DNAJC1: variants seen among roughly 807,000 people sequenced by gnomAD.
DNAJC1 encodes DnaJ heat shock protein family (Hsp40) member C1.
In DNAJC1, 58 loss-of-function variants were observed where a neutral mutation model predicts 76.6. That is an observed-to-expected ratio of 0.76 (90% CI 0.61 to 0.94). The LOEUF is 0.94. Ranked by LOEUF, DNAJC1 falls within the 40% of genes least tolerant of loss-of-function variation. The pLI is 0.00. For synonymous variants in DNAJC1, 258 were observed against 267.9 expected (o/e 0.96, Z 0.36); for missense variants, 689 against 677.3 (o/e 1.02, Z -0.19).
At chr10:21,791,147 G>A (rs1256839380) in intron 9 of DNAJC1, among the ~76,000 whole-genome samples, 1 of 152,160 alleles carries the variant, frequency 6.6e-6, no homozygotes, top group African/African-American at 2.4e-5. Context: ...GTCATTATAT[G>A]ATGATAAAAG....
intron 7 of DNAJC1, among the ~76,000 whole-genome samples, chr10:21,886,904 G>C (rs1242438415): frequency 6.6e-6 from 1 of 152,130 alleles, no homozygotes; most frequent in African/African-American, 2.4e-5. Context: ...AATTAGGCAA[G>C]AGAAAGAAAT....
chr10:21,922,282 C>G (rs1837054456), intron 3 of DNAJC1, among the ~76,000 whole-genome samples: 1 of 151,944 alleles, frequency 6.6e-6, no homozygotes, highest in African/African-American at 2.4e-5. Flanking sequence ...GGATTTATTA[C>G]AGGCAACTTC....
chr10:21,861,468 G>A (rs1441554376), intron 8 of DNAJC1, among the ~76,000 whole-genome samples: 1 of 152,132 alleles, frequency 6.6e-6, no homozygotes, highest in Non-Finnish European at 1.5e-5. Context: ...TGTCAGAGGT[G>A]TTTGAACCAC....
intron 1 of DNAJC1, 94 bp from the exon 2 acceptor site, chr10:21,929,235 C>A: frequency 3.8e-6 from 3 of 783,896 alleles, no homozygotes; most frequent in Non-Finnish European, 6.2e-6. Context: ...GACAGCCAAC[C>A]AAGTGCAGGA....
chr10:21,958,898 T>C (rs888119955), intron 1 of DNAJC1, among the ~76,000 whole-genome samples: 1 of 152,164 alleles, frequency 6.6e-6, no homozygotes, highest in African/African-American at 2.4e-5. Flanking sequence ...GGTAAGAACA[T>C]TTTGAATATA....
intron 6 of DNAJC1, among the ~76,000 whole-genome samples, chr10:21,913,417 A>ATATGTGGC (rs977811268): frequency 2.6e-5 from 4 of 152,120 alleles, no homozygotes; most frequent in Non-Finnish European, 5.9e-5. Flanking sequence ...ATCACTTGGG[A>ATATGTGGC]TATGTGGCAC....
At chr10:21,940,977 C>T (rs1019053980) in intron 1 of DNAJC1, among the ~76,000 whole-genome samples, 24 of 151,440 alleles carry the variant, frequency 1.6e-4, no homozygotes, top group Non-Finnish European at 2.8e-4. Flanking sequence ...ACTGGCCAGG[C>T]GCGGTAGCTC....
chr10:21,806,628 T>C (rs1231102644), intron 8 of DNAJC1, among the ~76,000 whole-genome samples: 1 of 152,172 alleles, frequency 6.6e-6, no homozygotes, highest in Non-Finnish European at 1.5e-5. Context: ...AATGACACTT[T>C]ATGATCATTC....
At chr10:21,759,049 A>C in intron 11 of DNAJC1, 121 bp downstream of exon 11, 2 of 1,004,414 alleles carry the variant, frequency 2.0e-6, no homozygotes, top group Non-Finnish European at 3.0e-6. Flanking sequence ...AATGGGAAAG[A>C]AGAAATCACG....
chr10:21,759,228 G>C lies in DNAJC1; in HGVS notation c.1538C>G (p.Pro513Arg), dbSNP rs1812185894. 6.2e-7 allele frequency: 1 copy of C among 1,614,080 alleles called. No homozygotes were observed. ...GTCCCAGCGGTCAGAGGATCCCCTT[G>C]GGTACTGCTGCAACGCCAGTTCCAG... ...KLLELALQQY[P>R]RGSSDRWDKI... The change falls in exon 11 of 12, where the codon CCA becomes CGA. Residue 513 changes from proline (P) to arginine (R), a missense_variant. Physicochemically the swap from Pro to Arg is moderately radical, Grantham distance 103 (BLOSUM62 -2). Coordinates refer to ENST00000376980, the MANE Select transcript of DNAJC1 (RefSeq NM_022365.4).
chr10:21,866,134 CAAA>C (rs1306930222), intron 8 of DNAJC1, among the ~76,000 whole-genome samples: 11 of 34,038 alleles, frequency 3.2e-4, no homozygotes, highest in African/African-American at 9.6e-4. Context: ...GACTTCAACT[CAAA>C]AAAAAAAAAA....
intron 6 of DNAJC1, among the ~76,000 whole-genome samples, chr10:21,916,381 C>A (rs552165225): frequency 1.3e-5 from 2 of 151,896 alleles, no homozygotes; most frequent in African/African-American, 4.8e-5. Context: ...CCCAGCTACT[C>A]GGGAGGCTGA....
chr10:21,920,886 C>T lies in DNAJC1; in HGVS notation c.449G>A (p.Ser150Asn), dbSNP rs1837032019. ...CAAGAGTAATGCCAGCTCAGCATTG[C>T]TCATTTTTCTCACCCGCCTGTAGTA... ...VFYYRRVRKM[S>N]NAELALLLFI... Residue 150 changes from serine (S) to asparagine (N), a missense_variant, in exon 4 of 12, where the codon AGC becomes AAC. Coordinates refer to ENST00000376980, the MANE Select transcript of DNAJC1 (RefSeq NM_022365.4). The T allele has an allele frequency of 6.2e-7, 1 of 1,613,030 alleles. No homozygotes were observed. Among genetic ancestry groups the T allele is most frequent in the South Asian group, 1.1e-5 (1 of 90,966 alleles).
chr10:21,829,492 A>C (rs1268308067), intron 8 of DNAJC1, among the ~76,000 whole-genome samples: 3 of 152,200 alleles, frequency 2.0e-5, no homozygotes, highest in Non-Finnish European at 4.4e-5. Context: ...CTGGGATTAC[A>C]GGCATGAGCC....
intron 10 of DNAJC1, among the ~76,000 whole-genome samples, chr10:21,760,257 C>A (rs954511355): frequency 2.6e-5 from 4 of 152,058 alleles, no homozygotes; most frequent in African/African-American, 9.7e-5. Flanking sequence ...TGCTTCAGCC[C>A]GGGCAACAGA....
chr10:21,930,221 C>A (rs1159866270), intron 1 of DNAJC1, among the ~76,000 whole-genome samples: 5 of 152,228 alleles, frequency 3.3e-5, no homozygotes, highest in African/African-American at 1.2e-4. Context: ...AGTGATCCAA[C>A]AGCCTCGGCC....
rs115151967 is a variant in DNAJC1 at position 21,954,933 on chromosome 10, C to A, written c.223-25792G>T. ...GTGCCAGGGTAGTCCTCACTCTTAA[C>A]CATTTTCCTTTAAGTCAGGTTTTCT... On this transcript the variant is annotated intron_variant, in intron 1 of 11. Transcript: ENST00000376980. 9.1e-3 allele frequency among the ~76,000 whole-genome samples: 1,382 copies of A among 152,234 alleles called. 25 individuals carry two copies. Among genetic ancestry groups the A allele is most frequent in the African/African-American group, 0.031 (1,288 of 41,528 alleles).
In DNAJC1 at chr10:21,924,311, ATAAC is replaced by A. The variant is rs1304018107; in HGVS notation, c.372-3352_372-3349del. On this transcript the variant is annotated intron_variant, in intron 3 of 11. Coordinates refer to ENST00000376980, the MANE Select transcript of DNAJC1 (RefSeq NM_022365.4). ...TAAAAGTTTAACATATTAAGGCTGAATAACTATACGTTTAACAGCATTTGTAAAT... is the reference window on the plus strand; with the variant it reads ...TAAAAGTTTAACATATTAAGGCTGAATATACGTTTAACAGCATTTGTAAAT... 1.1e-4 allele frequency among the ~76,000 whole-genome samples: 16 copies of A among 152,300 alleles called. No homozygotes were observed. The South Asian group carries it at 2.1e-3, about 20-fold the overall frequency.
chr10:22,001,527 T>G (rs1838518612), intron 1 of DNAJC1, among the ~76,000 whole-genome samples: 2 of 152,346 alleles, frequency 1.3e-5, no homozygotes, highest in Admixed American at 1.3e-4. Flanking sequence ...TTATCTATGC[T>G]TCTTTATTTT....
Sources: allele counts gnomAD v4.1 joint callset (sites outside exome capture counted in the v4.1 genomes callset), GRCh38; gene constraint gnomAD v4.1.1; transcripts MANE v1.5; gene names NCBI Gene and HGNC (gene_info 2026-07-23, HGNC 2026-07-21).